Variants in PFDN2 observed in about 807,000 individuals in gnomAD.
PFDN2 encodes prefoldin 2.
A neutral mutation model predicts 18.3 loss-of-function variants in PFDN2; 7 were observed. That is an observed-to-expected ratio of 0.38 (90% CI 0.22 to 0.72). The LOEUF is 0.72. PFDN2 is among the 30% of genes least tolerant of loss of function. PFDN2 has a pLI of 0.47. For synonymous variants in PFDN2, 76 were observed against 75.0 expected (o/e 1.01, Z -0.07); for missense variants, 181 against 199.1 (o/e 0.91, Z 0.55).
chr1:161,117,449 T>C (rs1302144657), intron 1 of PFDN2, among the ~76,000 whole-genome samples: 2 of 152,284 alleles, frequency 1.3e-5, no homozygotes, highest in Non-Finnish European at 1.5e-5. Flanking sequence ...AGAAATTCGA[T>C]CTAGTAATGA....
intron 1 of PFDN2, among the ~76,000 whole-genome samples, chr1:161,103,926 CAT>C (rs1291733717): frequency 2.0e-5 from 3 of 152,110 alleles, no homozygotes; most frequent in Non-Finnish European, 4.4e-5. Context: ...CTGGCACAGA[CAT>C]TTAACCCTGT....
chr1:161,111,053 G>A (rs1001124523), intron 1 of PFDN2, among the ~76,000 whole-genome samples: 2 of 151,800 alleles, frequency 1.3e-5, no homozygotes, highest in Non-Finnish European at 2.9e-5. Flanking sequence ...TGTTAGCCAG[G>A]ATGGTCTCAA....
intron 1 of PFDN2, among the ~76,000 whole-genome samples, chr1:161,103,280 C>T (rs1654608925): frequency 6.6e-6 from 1 of 152,168 alleles, no homozygotes; most frequent in East Asian, 1.9e-4. Flanking sequence ...ATTCCTATTC[C>T]TAGATTCCCT....
At chr1:161,107,344 G>A (rs1035161494) in intron 1 of PFDN2, among the ~76,000 whole-genome samples, 3 of 144,012 alleles carry the variant, frequency 2.1e-5, no homozygotes, top group African/African-American at 7.8e-5. Context: ...AGAACTGCTT[G>A]AACCCAGGAG....
In PFDN2 at chr1:161,110,253, C is replaced by T. The variant is rs566729298; in HGVS notation, c.75+7699G>A. 1.1e-4 allele frequency among the ~76,000 whole-genome samples: 17 copies of T among 151,468 alleles called. No individual in the cohort carries two copies. The East Asian group carries it at 3.1e-3, about 28-fold the overall frequency. ...GCTTATGCCTGTAGTCCCAGCTACT[C>T]GGGAGGCTGAGGCAAAAGAATTGCT... On this transcript the variant is annotated intron_variant, in intron 1 of 3. Transcript: ENST00000368010.
chr1:161,106,179 A>G (rs1232045505), intron 1 of PFDN2, among the ~76,000 whole-genome samples: 1 of 152,064 alleles, frequency 6.6e-6, no homozygotes, highest in Non-Finnish European at 1.5e-5. Flanking sequence ...TGCATAAGAC[A>G]CCTGTCCCCT....
chr1:161,106,385 T>C (rs1654677334), intron 1 of PFDN2, among the ~76,000 whole-genome samples: 1 of 152,174 alleles, frequency 6.6e-6, no homozygotes, highest in East Asian at 1.9e-4. Context: ...TATATGTAAA[T>C]AAGCCAATAT....
intron 1 of PFDN2, 114 bp downstream of exon 1, chr1:161,117,838 G>A: frequency 1.0e-6 from 1 of 962,708 alleles, no homozygotes; most frequent in Non-Finnish European, 1.5e-6. Flanking sequence ...TCCCTCTCTA[G>A]GTGCCACGCA....
intron 1 of PFDN2, among the ~76,000 whole-genome samples, chr1:161,103,149 C>T (rs955418560): frequency 3.3e-5 from 5 of 152,000 alleles, no homozygotes; most frequent in African/African-American, 1.2e-4. Context: ...AACCACATGA[C>T]CCCTGACCCA....
In PFDN2 at chr1:161,100,673, G is replaced by GC; in HGVS notation, c.*9dup. ...AGTCAGGGTAGAAAAAAATGCAAAG[G>GC]CCTTGGTCCCTAGGAGACCAACACT... On this transcript the variant is annotated 3_prime_UTR_variant, in exon 4 of 4. Transcript: ENST00000368010. 1 of 1,569,850 alleles carries GC rather than the reference G, an allele frequency of 6.4e-7. No individual in the cohort carries two copies. The highest frequency in any genetic ancestry group is 8.6e-7 in the Non-Finnish European group (1 of 1,157,394).
At chr1:161,113,322 T>A (rs1019508608) in intron 1 of PFDN2, among the ~76,000 whole-genome samples, 1 of 152,202 alleles carries the variant, frequency 6.6e-6, no homozygotes, top group African/African-American at 2.4e-5. Context: ...AACATAATCA[T>A]GGCATAAGTG....
intron 1 of PFDN2, among the ~76,000 whole-genome samples, chr1:161,116,734 G>C (rs1013521500): frequency 3.3e-5 from 5 of 151,870 alleles, no homozygotes; most frequent in African/African-American, 9.7e-5. Context: ...GCGTGGTGGT[G>C]CGGGCATGTA....
At chr1:161,113,478 T>A (rs185237314) in intron 1 of PFDN2, among the ~76,000 whole-genome samples, 2 of 152,168 alleles carry the variant, frequency 1.3e-5, no homozygotes, top group Non-Finnish European at 2.9e-5. Flanking sequence ...ATGGCAGTAA[T>A]TGAATAACAG....
intron 1 of PFDN2, among the ~76,000 whole-genome samples, chr1:161,109,284 G>A (rs1654749496): frequency 1.3e-5 from 2 of 152,080 alleles, no homozygotes; most frequent in African/African-American, 2.4e-5. Context: ...TCTTTCTTCA[G>A]GTTTCAACTT....
At chr1:161,111,350 C>T (rs991650434) in intron 1 of PFDN2, among the ~76,000 whole-genome samples, 1 of 152,208 alleles carries the variant, frequency 6.6e-6, no homozygotes. Context: ...CTTGTTTCCT[C>T]ATTTATAAAA....
chr1:161,107,739 C>T (rs1031712730), intron 1 of PFDN2, among the ~76,000 whole-genome samples: 27 of 151,618 alleles, frequency 1.8e-4, no homozygotes, highest in African/African-American at 6.1e-4. Flanking sequence ...CGCTTGAACT[C>T]GGGAGGTGAA....
chr1:161,101,258 G>A (rs182641177), intron 3 of PFDN2, among the ~76,000 whole-genome samples: 34 of 151,528 alleles, frequency 2.2e-4, no homozygotes, highest in Admixed American at 1.6e-3. Context: ...GGAGTGCAGT[G>A]GTGCAATCTC....
At chr1:161,106,590 A>G (rs1015255516) in intron 1 of PFDN2, among the ~76,000 whole-genome samples, 1 of 151,992 alleles carries the variant, frequency 6.6e-6, no homozygotes, top group Non-Finnish European at 1.5e-5. Flanking sequence ...GCGTCTCTCA[A>G]CCCTATTAAA....
chr1:161,106,048 C>A (rs906714002), intron 1 of PFDN2, among the ~76,000 whole-genome samples: 6 of 151,852 alleles, frequency 4.0e-5, no homozygotes, highest in African/African-American at 1.4e-4. Flanking sequence ...GGGTAGATCT[C>A]TCATGAATGA....
Sources: allele counts gnomAD v4.1 joint callset (sites outside exome capture counted in the v4.1 genomes callset), GRCh38; gene constraint gnomAD v4.1.1; transcripts MANE v1.5; gene names NCBI Gene and HGNC (gene_info 2026-07-23, HGNC 2026-07-21).